Variants in RIMS2 observed in about 807,000 individuals in gnomAD.
The protein encoded by RIMS2 is regulating synaptic membrane exocytosis protein 2.
In RIMS2, 59 loss-of-function variants were observed where a neutral mutation model predicts 174.4. The ratio of observed to expected loss-of-function variants is 0.34; its 90% CI spans 0.27 to 0.42. RIMS2 has a LOEUF of 0.42. RIMS2 is among the 10% of genes least tolerant of loss of function. RIMS2 has a pLI of 1.00. For synonymous variants in RIMS2, 606 were observed against 572.5 expected (o/e 1.06, Z -0.84); for missense variants, 1,620 against 1,666.3 (o/e 0.97, Z 0.48).
In RIMS2 at chr8:103,928,113, A is replaced by G. The variant is rs774791178; in HGVS notation, c.2244+224A>G. Among the ~76,000 whole-genome samples the G allele has an allele frequency of 7.3e-5, 11 of 151,612 alleles. 1 individual carries two copies. The highest frequency in any genetic ancestry group is 1.5e-4 in the Non-Finnish European group (10 of 67,574). On this transcript the variant is annotated intron_variant, in intron 11 of 23. Coordinates refer to ENST00000504942, the Ensembl canonical transcript of RIMS2. ...CTTTGTTAGTGATTTTATATGATAA[A>G]CTAAATATTAAACCTTATAGATTTC...
chr8:103,913,714 G>A (rs1030109028), intron 6 of RIMS2, among the ~76,000 whole-genome samples: 13 of 152,068 alleles, frequency 8.5e-5, no homozygotes, highest in Admixed American at 3.9e-4. Flanking sequence ...GGTGAAGGGA[G>A]AGTACGCATG....
chr8:104,023,984 T>C (rs1170127179), intron 19 of RIMS2, among the ~76,000 whole-genome samples: 1 of 152,196 alleles, frequency 6.6e-6, no homozygotes, highest in Non-Finnish European at 1.5e-5. Context: ...GAAGTCACTA[T>C]GTTGACCTTT....
chr8:103,719,044 T>C (rs1255076713), intron 2 of RIMS2, among the ~76,000 whole-genome samples: 1 of 152,142 alleles, frequency 6.6e-6, no homozygotes, highest in Non-Finnish European at 1.5e-5. Context: ...TAACTGGGAA[T>C]GGCTGTGTGA....
chr8:103,890,744 G>A (rs1307498664), intron 4 of RIMS2, among the ~76,000 whole-genome samples: 1 of 151,894 alleles, frequency 6.6e-6, no homozygotes, highest in Admixed American at 6.6e-5. Context: ...GATTGCTAAT[G>A]TCATAGTATT....
intron 19 of RIMS2, among the ~76,000 whole-genome samples, chr8:104,125,995 G>C (rs1385345660): frequency 1.3e-5 from 2 of 152,094 alleles, no homozygotes; most frequent in African/African-American, 4.8e-5. Context: ...TGTTTACAAA[G>C]TTTCTCCTCC....
At chr8:103,951,740 C>A (rs952771229) in intron 14 of RIMS2, among the ~76,000 whole-genome samples, 1 of 152,156 alleles carries the variant, frequency 6.6e-6, no homozygotes, top group Non-Finnish European at 1.5e-5. Flanking sequence ...ACCCAGAATG[C>A]CAGCAAGACA....
chr8:103,942,496 A>T (rs1024381220), intron 13 of RIMS2, among the ~76,000 whole-genome samples: 1 of 152,198 alleles, frequency 6.6e-6, no homozygotes, highest in African/African-American at 2.4e-5. Context: ...GAAAAGTGTT[A>T]TTTTTGTAAT....
At chr8:103,836,739 T>TA (rs1192531514) in intron 3 of RIMS2, among the ~76,000 whole-genome samples, 1 of 152,220 alleles carries the variant, frequency 6.6e-6, no homozygotes, top group Non-Finnish European at 1.5e-5. Flanking sequence ...CAGCTTGTTA[T>TA]AAAAACTATT....
chr8:104,195,677 G>A (rs2099020759), intron 19 of RIMS2, among the ~76,000 whole-genome samples: 1 of 151,970 alleles, frequency 6.6e-6, no homozygotes, highest in African/African-American at 2.4e-5. Context: ...GCCATGCCTG[G>A]CTAATTTTTT....
At chr8:103,576,694 C>T (rs918111604) in intron 1 of RIMS2, among the ~76,000 whole-genome samples, 1 of 152,168 alleles carries the variant, frequency 6.6e-6, no homozygotes, top group Non-Finnish European at 1.5e-5. Flanking sequence ...GCTACAGTAA[C>T]CAAAGTAGCG....
At chr8:103,627,909 C>T (rs1226088887) in intron 1 of RIMS2, among the ~76,000 whole-genome samples, 1 of 152,088 alleles carries the variant, frequency 6.6e-6, no homozygotes, top group African/African-American at 2.4e-5. Flanking sequence ...AATCTAGTGC[C>T]TTTCAAAACC....
intron 1 of RIMS2, among the ~76,000 whole-genome samples, chr8:103,560,944 C>T (rs765932032): frequency 1.3e-5 from 2 of 152,160 alleles, no homozygotes; most frequent in Admixed American, 1.3e-4. Context: ...TCAGTGAAAA[C>T]AAACCAACAA....
chr8:104,207,172 T>C (rs12549077), intron 19 of RIMS2, among the ~76,000 whole-genome samples: 30,890 of 152,110 alleles, frequency 0.2, 3,399 homozygotes, highest in Middle Eastern at 0.25. Context: ...ATAATTTGTC[T>C]TGTTTTAAGA....
At chr8:103,901,535 A>G (rs969272014) in intron 4 of RIMS2, among the ~76,000 whole-genome samples, 1 of 152,148 alleles carries the variant, frequency 6.6e-6, no homozygotes, top group African/African-American at 2.4e-5. Context: ...AGAAATCTAT[A>G]TACATATTTA....
chr8:103,801,934 G>A (rs1179038090), intron 3 of RIMS2, among the ~76,000 whole-genome samples: 1 of 152,116 alleles, frequency 6.6e-6, no homozygotes, highest in African/African-American at 2.4e-5. Context: ...GACAATATCT[G>A]TAAATTCATT....
chr8:103,702,167 C>A (rs565170243), intron 2 of RIMS2, among the ~76,000 whole-genome samples: 2 of 152,068 alleles, frequency 1.3e-5, no homozygotes, highest in Non-Finnish European at 2.9e-5. Context: ...CTTTAATTTG[C>A]ATTTTTCTGA....
chr8:103,866,664 G>A (rs35078015), intron 3 of RIMS2, among the ~76,000 whole-genome samples: 19,894 of 152,006 alleles, frequency 0.13, 1,763 homozygotes, highest in Non-Finnish European at 0.2. Flanking sequence ...TTGGATTAAC[G>A]TTGTCTTTGT....
intron 1 of RIMS2, 38 bp from the exon 4 acceptor site, chr8:103,697,048 A>G (rs2137293251): frequency 1.4e-6 from 2 of 1,456,340 alleles, no homozygotes; most frequent in South Asian, 2.3e-5. Context: ...AGAGATCATC[A>G]GGAAACCAAC....
rs924936180 is a variant in RIMS2 at position 104,008,168 on chromosome 8, A to G, written c.3045-5274A>G. Among the ~76,000 whole-genome samples, 39 of 152,130 alleles carry G rather than the reference A, an allele frequency of 2.6e-4. 1 individual carries two copies. Among genetic ancestry groups the G allele is most frequent in the Non-Finnish European group, 2.9e-5 (2 of 68,004 alleles). On this transcript the variant is annotated intron_variant, in intron 17 of 23. Coordinates refer to ENST00000504942, the Ensembl canonical transcript of RIMS2. ...AATCTGAGAATCTGGGAAGTGATAA[A>G]GTAGGGCCAGTACCTTGGTGGAATA...
Sources: allele counts gnomAD v4.1 joint callset (sites outside exome capture counted in the v4.1 genomes callset), GRCh38; gene constraint gnomAD v4.1.1; transcripts MANE v1.5; gene names NCBI Gene and HGNC (gene_info 2026-07-23, HGNC 2026-07-21).